The following CDC7 variants were observed in gnomAD, a reference collection of about 807,000 sequenced individuals.
CDC7 encodes the protein cell division cycle 7.
CDC7 carries 34 observed loss-of-function variants against 53.5 expected under a neutral mutation model. That is an observed-to-expected ratio of 0.64 (90% CI 0.48 to 0.85). CDC7 has a LOEUF of 0.85. CDC7 is among the 40% of genes least tolerant of loss of function. The probability of loss-of-function intolerance (pLI) is 0.00; values close to 1 mark genes in which losing one functional copy is unlikely to be tolerated. For missense variants in CDC7, 594 were observed against 679.7 expected, an observed-to-expected ratio of 0.87 and a Z score of 1.40; for synonymous variants, 211 against 222.8, an observed-to-expected ratio of 0.95 and a Z score of 0.47.
chr1:91,514,898 T>C lies in CDC7; in HGVS notation c.998T>C (p.Met333Thr), dbSNP rs201201344. ...TKKKAISTKVMNSAVMRKTAS... is the reference protein window; with the variant it reads ...TKKKAISTKVTNSAVMRKTAS... The stretch of plus-strand genomic sequence containing the variant: ...AAGAAGGCTATTTCTACAAAAGTTA[T>C]GAATAGTGCTGTGATGAGGAAAACT... Residue 333 changes from methionine (M) to threonine (T), a missense_variant, in exon 9 of 12, where the codon ATG becomes ACG. Transcript: ENST00000234626. 109 of 1,613,466 alleles carry C rather than the reference T, an allele frequency of 6.8e-5. No homozygotes were observed. Among genetic ancestry groups the C allele is most frequent in the Middle Eastern group, 3.3e-4 (2 of 6,082 alleles).
chr1:91,514,831 T>C lies in CDC7; in HGVS notation c.931T>C (p.Ser311Pro). ...ESPAVKLMKQSKTVDVLSRKL... is the reference protein window; with the variant it reads ...ESPAVKLMKQPKTVDVLSRKL... ...TTTTCTTTTACAGCTCATGAAGCAG[T>C]CAAAGACTGTGGATGTACTGTCTAG... is the stretch of plus-strand genomic sequence containing the variant. Residue 311 changes from serine to proline, a missense_variant, in exon 9 of 12, where the codon TCA becomes CCA. By Grantham distance (74) the Ser-to-Pro change is moderately conservative. Transcript: ENST00000234626. The C allele has an allele frequency of 1.2e-6, 2 of 1,603,956 alleles. No individual in the cohort carries two copies. The highest frequency in any genetic ancestry group is 1.7e-6 in the Non-Finnish European group (2 of 1,175,804).
Position 91,501,724 on chromosome 1 carries a change from C to T in CDC7, c.8C>T (p.Ala3Val). The T allele has an allele frequency of 1.2e-6, 2 of 1,613,174 alleles. No individual in the cohort carries two copies. The highest frequency in any genetic ancestry group is 8.5e-7 in the Non-Finnish European group (1 of 1,179,220). Reference protein sequence around the residue: MEASLGIQMDEPM... With the variant: MEVSLGIQMDEPM... ...CATCTCAATTGGCTTGTGATGGAGGCGTCTTTGGGGATTCAGATGGATGAG... is the reference window on the plus strand; with the variant it reads ...CATCTCAATTGGCTTGTGATGGAGGTGTCTTTGGGGATTCAGATGGATGAG... Residue 3 changes from alanine to valine, a missense_variant, in exon 2 of 12, where the codon GCG becomes GTG. Coordinates refer to ENST00000234626, the MANE Select transcript of CDC7 (RefSeq NM_003503.4).
intron 10 of CDC7, among the ~76,000 whole-genome samples, chr1:91,517,379 A>G (rs1032891399): frequency 2.0e-5 from 3 of 152,298 alleles, no homozygotes; most frequent in South Asian, 2.1e-4. Context: ...AGCTTGGTGG[A>G]TAATTGGATG....
Position 91,524,402 on chromosome 1 carries a change from G to C in CDC7, c.1692G>C (p.Leu564Phe), listed in dbSNP as rs761948735. 2 of 1,609,974 alleles carry C rather than the reference G, an allele frequency of 1.2e-6. No homozygotes were observed. The highest frequency in any genetic ancestry group is 2.7e-5 in the African/African-American group (2 of 74,774). Residue 564 changes from leucine (L) to phenylalanine (F), a missense_variant, in exon 12 of 12, where the codon TTG becomes TTC. Transcript: ENST00000234626. ...PASRITAEEA[L>F]LHPFFKDMSL ...CAAGAATAACAGCAGAAGAAGCTTT[G>C]TTGCATCCATTTTTTAAAGATATGA...
At chr1:91,503,036 C>G (rs1432044721) in intron 2 of CDC7, among the ~76,000 whole-genome samples, 1 of 152,080 alleles carries the variant, frequency 6.6e-6, no homozygotes, top group Non-Finnish European at 1.5e-5. Context: ...CATTTTGTCT[C>G]CACTGTAAAC....
chr1:91,513,091 A>C lies in CDC7; in HGVS notation c.606A>C (p.Gly202=). ...YALVDFGLAQ[G]THDTKIELLK... is the part of the protein sequence containing the mutation. ...TGGTAGACTTTGGTTTGGCCCAAGG[A>C]ACCCATGATACGAAAATAGAGCTTC... is the stretch of plus-strand genomic sequence containing the variant. Residue 202 remains glycine (G), a synonymous_variant, in exon 7 of 12, where the codon GGA becomes GGC. Coordinates refer to ENST00000234626, the MANE Select transcript of CDC7 (RefSeq NM_003503.4). 1 of 1,613,576 alleles carries C rather than the reference A, an allele frequency of 6.2e-7. No individual in the cohort carries two copies. Among genetic ancestry groups the C allele is most frequent in the Middle Eastern group, 1.7e-4 (1 of 6,060 alleles).
rs1204256786 is a variant in CDC7, at chr1:91,500,926, C to T, written c.-86C>T. 2 of 152,266 alleles carry T rather than the reference C, an allele frequency of 1.3e-5. No homozygotes were observed. Among genetic ancestry groups the T allele is most frequent in the Non-Finnish European group, 2.9e-5 (2 of 68,058 alleles). The allele number at this position is 152,266 out of a possible 1,614,324, so 9.4% of individuals were successfully genotyped here. ...GGCGACCCAGGCATCTGGGGAGCCA[C>T]AGAAGTCGTACTCCCTTAAACCGTG... On this transcript the variant is annotated 5_prime_UTR_variant, in exon 1 of 12. Transcript: ENST00000234626.
In CDC7 at chr1:91,524,666, T is replaced by C; in HGVS notation, c.*231T>C. 2.3e-6 allele frequency: 1 copy of C among 437,048 alleles called. No homozygotes were observed. Among genetic ancestry groups the C allele is most frequent in the South Asian group, 5.0e-5 (1 of 19,976 alleles). 27.1% of individuals were successfully genotyped at this position (437,048 alleles called of 1,614,324 possible). A position where few individuals can be genotyped will look rare whatever the true frequency, so the allele number is the denominator to read the frequency against. On this transcript the variant is annotated 3_prime_UTR_variant, in exon 12 of 12. Transcript: ENST00000234626. Reference sequence around the variant, plus strand: ...GAGTTAAACCTACCTAAGTAGATTTTAGGTGGGTTCCTATTAGGTCAGATT... The same window carrying C: ...GAGTTAAACCTACCTAAGTAGATTTCAGGTGGGTTCCTATTAGGTCAGATT...
intron 4 of CDC7, among the ~76,000 whole-genome samples, chr1:91,509,030 C>T (rs2102345284): frequency 6.6e-6 from 1 of 152,156 alleles, no homozygotes; most frequent in East Asian, 1.9e-4. Context: ...TCATTTAACA[C>T]AATTGACGTG....
Position 91,511,772 on chromosome 1 carries a change from T to C in CDC7, c.430-9T>C, listed in dbSNP as rs750427977. On this transcript the variant is annotated splice_polypyrimidine_tract_variant and intron_variant, in intron 5 of 11. Coordinates refer to ENST00000234626, the MANE Select transcript of CDC7 (RefSeq NM_003503.4). ...TTTGTAACTCATTTCATTTGTAACT[T>C]TGTTTTAGGACATTCTGAATTCTCT... 1.9e-6 allele frequency: 3 copies of C among 1,601,568 alleles called. No homozygotes were observed. Among genetic ancestry groups the C allele is most frequent in the Non-Finnish European group, 2.6e-6 (3 of 1,171,542 alleles).
At chr1:91,504,233 G>T (rs1571311910) in intron 2 of CDC7, among the ~76,000 whole-genome samples, 1 of 151,726 alleles carries the variant, frequency 6.6e-6, no homozygotes, top group Non-Finnish European at 1.5e-5. Flanking sequence ...AGCCTCCTGA[G>T]TAGCTTGGAT....
intron 2 of CDC7, among the ~76,000 whole-genome samples, chr1:91,504,459 A>T (rs2102325357): frequency 6.6e-6 from 1 of 152,162 alleles, no homozygotes; most frequent in East Asian, 1.9e-4. Context: ...AGTTTTAATA[A>T]GTGAGAAAGA....
intron 2 of CDC7, among the ~76,000 whole-genome samples, chr1:91,506,351 CT>C (rs548704623): frequency 1.3e-5 from 2 of 149,198 alleles, no homozygotes; most frequent in Non-Finnish European, 1.5e-5. Flanking sequence ...TCATCCAAGC[CT>C]TTTTTTTTTC....
chr1:91,506,389 A>G (rs892113834), intron 2 of CDC7, among the ~76,000 whole-genome samples: 18 of 151,824 alleles, frequency 1.2e-4, no homozygotes, highest in African/African-American at 4.4e-4. Flanking sequence ...AGACGTAGTT[A>G]ATTTTTCCTA....
In CDC7 at chr1:91,520,235, C is replaced by G. The variant is rs1205956750; in HGVS notation, c.1286C>G (p.Thr429Arg). 1 of 1,606,904 alleles carries G rather than the reference C, an allele frequency of 6.2e-7. No individual in the cohort carries two copies. The change falls in exon 11 of 12, where the codon ACA (threonine) becomes AGA (arginine). Residue 429 changes from threonine to arginine, a missense_variant. Coordinates refer to ENST00000234626, the MANE Select transcript of CDC7 (RefSeq NM_003503.4). ...TTAACTGCTTTGGCCCAAATTATGA[C>G]AATTAGGGGATCCAGAGAAACTATC... ...DDLTALAQIMTIRGSRETIQA... is the reference protein window; with the variant it reads ...DDLTALAQIMRIRGSRETIQA...
chr1:91,503,626 A>T (rs1370206629), intron 2 of CDC7, among the ~76,000 whole-genome samples: 1 of 152,226 alleles, frequency 6.6e-6, no homozygotes, highest in Non-Finnish European at 1.5e-5. Context: ...ATGGATGAAT[A>T]GCATGTCTCT....
At chr1:91,505,759 G>C (rs1666952276) in intron 2 of CDC7, among the ~76,000 whole-genome samples, 1 of 152,170 alleles carries the variant, frequency 6.6e-6, no homozygotes, top group Non-Finnish European at 1.5e-5. Flanking sequence ...TGGTTGCCAG[G>C]AAGTTTTACT....
At chr1:91,521,278 C>T (rs1008948245) in intron 11 of CDC7, among the ~76,000 whole-genome samples, 2 of 152,188 alleles carry the variant, frequency 1.3e-5, no homozygotes, top group Non-Finnish European at 2.9e-5. Flanking sequence ...TAGGAAGGCT[C>T]CAGCCTTGTT....
At chr1:91,507,159 G>A (rs961194753) in intron 2 of CDC7, among the ~76,000 whole-genome samples, 1 of 152,022 alleles carries the variant, frequency 6.6e-6, no homozygotes, top group Non-Finnish European at 1.5e-5. Flanking sequence ...TGCTATATAG[G>A]GCTAGTAGAG....
Sources: allele counts gnomAD v4.1 joint callset (sites outside exome capture counted in the v4.1 genomes callset), GRCh38; gene constraint gnomAD v4.1.1; transcripts MANE v1.5; gene names NCBI Gene and HGNC (gene_info 2026-07-23, HGNC 2026-07-21).